The following DYSF variants were observed in gnomAD, a reference collection of about 807,000 sequenced individuals.
The protein encoded by DYSF is dysferlin, also known as dystrophy-associated fer-1-like 1.
A neutral mutation model predicts 274.9 loss-of-function variants in DYSF; 212 were observed. The ratio of observed to expected loss-of-function variants is 0.77; its 90% CI spans 0.69 to 0.86. The LOEUF is 0.86. Among genes scored for constraint, DYSF ranks in the 40% least tolerant of loss-of-function variants. The probability of loss-of-function intolerance (pLI) is 0.00; values close to 1 mark genes in which losing one functional copy is unlikely to be tolerated. For missense variants in DYSF, 2,666 were observed against 2,783.2 expected (o/e 0.96, Z 0.95); for synonymous variants, 1,091 against 1,078.7 (o/e 1.01, Z -0.22).
chr2:71,592,100 G>A (rs1362070088), intron 32 of DYSF, among the ~76,000 whole-genome samples: 1 of 152,250 alleles, frequency 6.6e-6, no homozygotes, highest in Non-Finnish European at 1.5e-5. Flanking sequence ...CCGGAAGGGC[G>A]TGAGAGGTGA....
chr2:71,629,437 C>G (rs545827395), intron 41 of DYSF, among the ~76,000 whole-genome samples: 3 of 152,348 alleles, frequency 2.0e-5, no homozygotes, highest in East Asian at 3.9e-4. Flanking sequence ...TTGGTTGGCT[C>G]TAGCTGGCTC....
intron 13 of DYSF, among the ~76,000 whole-genome samples, chr2:71,526,575 G>C (rs1238047702): frequency 2.0e-5 from 3 of 152,252 alleles, no homozygotes; most frequent in African/African-American, 7.2e-5. Flanking sequence ...TCTGGGCCTG[G>C]TCTGGCAATA....
chr2:71,589,339 A>C (rs2093177380), intron 30 of DYSF, among the ~76,000 whole-genome samples: 1 of 152,136 alleles, frequency 6.6e-6, no homozygotes, highest in South Asian at 2.1e-4. Context: ...GAACAACTAA[A>C]AATTCCGTTC....
intron 30 of DYSF, among the ~76,000 whole-genome samples, chr2:71,577,665 C>T (rs1222470269): frequency 2.8e-5 from 4 of 144,212 alleles, no homozygotes; most frequent in Admixed American, 2.1e-4. Context: ...CATATGCACA[C>T]GCACCCACAC....
Position 71,668,743 on chromosome 2 carries a change from T to C in DYSF, c.5458-11T>C, listed in dbSNP as rs746351463. ...AGAAGGGTGGGGAGAGAACGGACCC[T>C]GTCTCCGCAGGGGAAGCTGCAGATG... is the stretch of plus-strand genomic sequence containing the variant. On this transcript the variant is annotated splice_polypyrimidine_tract_variant and intron_variant, in intron 48 of 55. Coordinates refer to ENST00000410020, the MANE Select transcript of DYSF (RefSeq NM_001130987.2). 6.2e-7 allele frequency: 1 copy of C among 1,612,836 alleles called. No individual in the cohort carries two copies. Among genetic ancestry groups the C allele is most frequent in the Non-Finnish European group, 8.5e-7 (1 of 1,179,612 alleles).
intron 1 of DYSF, among the ~76,000 whole-genome samples, chr2:71,477,134 T>C (rs2082455768): frequency 6.6e-6 from 1 of 152,068 alleles, no homozygotes; most frequent in South Asian, 2.1e-4. Flanking sequence ...AGAATGCAGG[T>C]TTTGATCAAT....
chr2:71,507,366 A>G (rs1008357778), intron 4 of DYSF, among the ~76,000 whole-genome samples: 23 of 152,320 alleles, frequency 1.5e-4, no homozygotes, highest in African/African-American at 5.5e-4. Flanking sequence ...AGACCGCTTG[A>G]TTTAACACTG....
intron 22 of DYSF, among the ~76,000 whole-genome samples, chr2:71,559,794 C>T (rs765126260): frequency 1.9e-4 from 29 of 152,242 alleles, no homozygotes; most frequent in Non-Finnish European, 3.5e-4. Flanking sequence ...CTGTTTGCGT[C>T]TCTGTTCTGC....
intron 42 of DYSF, among the ~76,000 whole-genome samples, chr2:71,654,563 G>T (rs1218630163): frequency 2.0e-5 from 3 of 152,156 alleles, no homozygotes; most frequent in Non-Finnish European, 4.4e-5. Context: ...TGGGAGGATT[G>T]CTTGAGGCCA....
At chr2:71,681,170 A>C in intron 54 of DYSF, 60 bp downstream of exon 54, 4 of 1,512,690 alleles carry the variant, frequency 2.6e-6, no homozygotes, top group Non-Finnish European at 3.7e-6. Flanking sequence ...GCCACAGTCC[A>C]GGAGGCATCC....
At chr2:71,662,707 TTGTA>T (rs1295402311) in intron 45 of DYSF, among the ~76,000 whole-genome samples, 63 of 150,166 alleles carry the variant, frequency 4.2e-4, no homozygotes, top group African/African-American at 1.4e-3. Context: ...TGTATGTGTG[TTGTA>T]TGTATGTGTG....
At chr2:71,597,114 G>A (rs1226980516) in intron 32 of DYSF, among the ~76,000 whole-genome samples, 4 of 152,166 alleles carry the variant, frequency 2.6e-5, no homozygotes, top group Admixed American at 2.6e-4. Flanking sequence ...CCTTTGTGCG[G>A]AAGCCCTGTC....
Position 71,574,199 on chromosome 2 carries a change from A to G in DYSF, c.3230A>G (p.His1077Arg). Residue 1077 changes from histidine (H) to arginine (R), a missense_variant and splice_region_variant, in exon 30 of 56, where the codon CAC becomes CGC. His to Arg is a conservative substitution (Grantham distance 29). Transcript: ENST00000410020. ...GAGTCTGCCCCTTCTCTTGTGCAGC[A>G]CAGGCAGGCGGAGGCGGAGGGCGAG... The part of the protein sequence containing the change: ...DLSQMEALKR[H>R]RQAEAEGEGW... The G allele has an allele frequency of 6.2e-7, 1 of 1,613,414 alleles. No homozygotes were observed. Among genetic ancestry groups the G allele is most frequent in the Non-Finnish European group, 8.5e-7 (1 of 1,179,888 alleles).
At chr2:71,491,167 TC>T (rs2083821947) in intron 3 of DYSF, among the ~76,000 whole-genome samples, 1 of 152,198 alleles carries the variant, frequency 6.6e-6, no homozygotes, top group African/African-American at 2.4e-5. Context: ...AAGTTGAGCA[TC>T]TTTTGTGTGC....
chr2:71,570,311 T>C lies in DYSF; in HGVS notation c.3062T>C (p.Leu1021Pro). Residue 1021 changes from leucine (L) to proline (P), a missense_variant, in exon 28 of 56, where the codon CTC (leucine) becomes CCC (proline). Leu to Pro is a moderately conservative substitution (Grantham distance 98). Transcript: ENST00000410020. ...KWEDEEWSTDLNRAVDEQGWE... is the reference protein window; with the variant it reads ...KWEDEEWSTDPNRAVDEQGWE... ...GAAGATGAGGAATGGTCCACAGACC[T>C]CAACCGGGCTGTCGATGAGCAAGGT... The C allele has an allele frequency of 1.2e-6, 2 of 1,614,080 alleles. No homozygotes were observed. The highest frequency in any genetic ancestry group is 1.7e-6 in the Non-Finnish European group (2 of 1,179,990).
intron 1 of DYSF, among the ~76,000 whole-genome samples, chr2:71,472,702 A>G (rs768016958): frequency 6.6e-6 from 1 of 152,220 alleles, no homozygotes; most frequent in Non-Finnish European, 1.5e-5. Context: ...CACCGCGCCA[A>G]GCCAACACTT....
chr2:71,680,603 C>T (rs1393910596), intron 53 of DYSF, among the ~76,000 whole-genome samples: 1 of 152,170 alleles, frequency 6.6e-6, no homozygotes, highest in African/African-American at 2.4e-5. Context: ...TATGGTCAAC[C>T]ATCCCATACA....
intron 12 of DYSF, among the ~76,000 whole-genome samples, chr2:71,522,373 C>G (rs929663669): frequency 1.3e-5 from 2 of 152,074 alleles, no homozygotes; most frequent in African/African-American, 4.8e-5. Context: ...TCACTCATTA[C>G]CATAGCTTAG....
chr2:71,615,569 T>C lies in DYSF; in HGVS notation c.4464+2159T>C, dbSNP rs1274025766. Among the ~76,000 whole-genome samples, 5 of 152,160 alleles carry C rather than the reference T, an allele frequency of 3.3e-5. No individual in the cohort carries two copies. ...TCTGGTATCTGACTTTGTTCCATGT[T>C]TTTCTCTGAGATCTATTGCTCTGAT... On this transcript the variant is annotated intron_variant, in intron 40 of 55. Transcript: ENST00000410020. The surrounding 1 kb of genome is among the most constrained non-coding windows in gnomAD (Gnocchi z 4.9).
Sources: allele counts gnomAD v4.1 joint callset (sites outside exome capture counted in the v4.1 genomes callset), GRCh38; gene constraint gnomAD v4.1.1; non-coding constraint Gnocchi (gnomAD v3.1); transcripts MANE v1.5; gene names NCBI Gene and HGNC (gene_info 2026-07-23, HGNC 2026-07-21).